The following MYT1L variants were observed in gnomAD, a reference collection of about 807,000 sequenced individuals.
MYT1L encodes the protein myelin transcription factor 1-like protein.
MYT1L carries 12 observed loss-of-function variants against 126.7 expected under a neutral mutation model. The observed-to-expected ratio is 0.09, with a 90% CI of 0.06 to 0.15. The LOEUF (loss-of-function observed/expected upper bound fraction) is 0.15. MYT1L is among the 10% of genes least tolerant of loss of function. MYT1L has a pLI of 1.00. For missense variants in MYT1L, 979 were observed against 1,585.2 expected (o/e 0.62, Z 6.49); for synonymous variants, 541 against 604.2 (o/e 0.90, Z 1.53).
chr2:1,822,358 T>C (rs1181511777), intron 21 of MYT1L, among the ~76,000 whole-genome samples: 1 of 152,222 alleles, frequency 6.6e-6, no homozygotes, highest in Non-Finnish European at 1.5e-5. Context: ...GGATTCCCAA[T>C]AGAGATGCCT....
At chr2:2,201,779 A>G (rs1304337963) in intron 2 of MYT1L, among the ~76,000 whole-genome samples, 1 of 152,166 alleles carries the variant, frequency 6.6e-6, no homozygotes, top group Non-Finnish European at 1.5e-5. Context: ...TCTGTAGTTT[A>G]CTAACAATGA....
At chr2:1,901,866 G>T (rs2050385820) in intron 14 of MYT1L, among the ~76,000 whole-genome samples, 1 of 152,150 alleles carries the variant, frequency 6.6e-6, no homozygotes, top group Non-Finnish European at 1.5e-5. Flanking sequence ...TGCCATGTTG[G>T]CCAGGCTGGT....
chr2:2,061,763 C>A (rs2070539603), intron 3 of MYT1L, among the ~76,000 whole-genome samples: 1 of 152,152 alleles, frequency 6.6e-6, no homozygotes, highest in South Asian at 2.1e-4. Flanking sequence ...TGACAGGCTG[C>A]AACTGTGAGC....
At chr2:2,109,565 A>G (rs2079131697) in intron 3 of MYT1L, among the ~76,000 whole-genome samples, 1 of 152,112 alleles carries the variant, frequency 6.6e-6, no homozygotes, top group Non-Finnish European at 1.5e-5. Flanking sequence ...TCTGGAAAAA[A>G]AAACCACTGG....
At chr2:1,840,409 G>C (rs1039185056) in intron 20 of MYT1L, among the ~76,000 whole-genome samples, 1 of 152,134 alleles carries the variant, frequency 6.6e-6, no homozygotes, top group Non-Finnish European at 1.5e-5. Flanking sequence ...CGCTTGTGAT[G>C]TTGTATTTAG....
At chr2:2,008,188 T>C (rs1036362278) in intron 4 of MYT1L, among the ~76,000 whole-genome samples, 15 of 152,246 alleles carry the variant, frequency 9.9e-5, no homozygotes, top group Admixed American at 7.8e-4. Context: ...TCCTAGTCAG[T>C]TGGCAGCAAG....
intron 3 of MYT1L, among the ~76,000 whole-genome samples, chr2:2,098,508 G>A (rs2077694908): frequency 6.6e-6 from 1 of 152,108 alleles, no homozygotes; most frequent in African/African-American, 2.4e-5. Flanking sequence ...GTAGGAGATC[G>A]TGCCTCCCAG....
chr2:1,881,429 T>G (rs1005493796), intron 18 of MYT1L, among the ~76,000 whole-genome samples: 3 of 151,210 alleles, frequency 2.0e-5, no homozygotes, highest in Non-Finnish European at 4.4e-5. Context: ...CATTCTTGTT[T>G]TAGAAGTTTT....
chr2:2,071,123 C>T (rs1046883690), intron 3 of MYT1L, among the ~76,000 whole-genome samples: 8 of 152,048 alleles, frequency 5.3e-5, no homozygotes, highest in South Asian at 2.1e-4. Flanking sequence ...CTGATTTATA[C>T]CATGGAAATA....
rs75731143 is a variant in MYT1L, at chr2:2,174,139, T to G, written c.-420-1151A>C. ...ACCCTGAAAAATCAAGGTTCAAAAT[T>G]TGAATGAGAGTTAGCGTATTCGTTT... On this transcript the variant is annotated intron_variant, in intron 2 of 24. Coordinates refer to ENST00000647738, the MANE Select transcript of MYT1L (RefSeq NM_001303052.2). Among the ~76,000 whole-genome samples, 72 of 152,328 alleles carry G rather than the reference T, an allele frequency of 4.7e-4. 2 individuals are homozygous for G. The East Asian group carries it at 0.012, about 24-fold the overall frequency.
chr2:2,095,466 A>G (rs73173908), intron 3 of MYT1L, among the ~76,000 whole-genome samples: 5 of 152,338 alleles, frequency 3.3e-5, no homozygotes, highest in African/African-American at 7.2e-5. Flanking sequence ...AGCGTATGCT[A>G]TCCGACAAGA....
chr2:2,005,248 G>A (rs1171127340), intron 4 of MYT1L, among the ~76,000 whole-genome samples: 3 of 140,704 alleles, frequency 2.1e-5, no homozygotes, highest in East Asian at 2.3e-4. Context: ...TCCTGCAGGC[G>A]TTCTTTCCTG....
intron 2 of MYT1L, among the ~76,000 whole-genome samples, chr2:2,189,978 C>G (rs866991943): frequency 6.6e-6 from 1 of 152,126 alleles, no homozygotes; most frequent in Admixed American, 6.5e-5. Flanking sequence ...GTGCACACAC[C>G]GAGCTCTCCC....
chr2:2,234,399 C>T (rs2094233020), intron 2 of MYT1L, among the ~76,000 whole-genome samples: 1 of 152,152 alleles, frequency 6.6e-6, no homozygotes, highest in African/African-American at 2.4e-5. Flanking sequence ...GAAGTTTCTG[C>T]GATTGTACAA....
chr2:2,284,254 T>A (rs1265635501), intron 2 of MYT1L, 150 bp downstream of exon 2: 1 of 152,214 alleles, frequency 6.6e-6, no homozygotes, highest in Non-Finnish European at 1.5e-5. Flanking sequence ...CTGAAGCACG[T>A]AAGCATTAAA....
chr2:2,109,893 A>C (rs1164732299), intron 3 of MYT1L, among the ~76,000 whole-genome samples: 1 of 107,600 alleles, frequency 9.3e-6, no homozygotes, highest in African/African-American at 3.2e-5. Flanking sequence ...ATATATATAT[A>C]TATATATATA....
intron 3 of MYT1L, among the ~76,000 whole-genome samples, chr2:2,145,746 A>C (rs1039501864): frequency 6.6e-6 from 1 of 152,182 alleles, no homozygotes; most frequent in Non-Finnish European, 1.5e-5. Flanking sequence ...AAAAAATTAA[A>C]AACTTTGTTA....
chr2:1,884,816 C>T (rs951408325), intron 18 of MYT1L, among the ~76,000 whole-genome samples: 5 of 152,196 alleles, frequency 3.3e-5, no homozygotes, highest in South Asian at 2.1e-4. Context: ...GCTGCCCATG[C>T]GCACCCTGCC....
At chr2:2,231,399 T>G (rs1373075727) in intron 2 of MYT1L, among the ~76,000 whole-genome samples, 1 of 152,228 alleles carries the variant, frequency 6.6e-6, no homozygotes, top group Non-Finnish European at 1.5e-5. Flanking sequence ...GCCTAAGATT[T>G]TCAAGGCTCG....
Sources: gnomAD v4.1 joint callset for allele counts (sites outside exome capture counted in the v4.1 genomes callset) on GRCh38, gnomAD v4.1.1 for gene constraint, MANE v1.5 for transcripts, NCBI Gene and HGNC (gene_info 2026-07-23, HGNC 2026-07-21) for gene names.